CES1: variants seen among roughly 807,000 people sequenced by gnomAD.
The protein encoded by CES1 is carboxylesterase 1.
CES1 carries 50 observed loss-of-function variants against 53.0 expected under a neutral mutation model. That is an observed-to-expected ratio of 0.94 (90% CI 0.75 to 1.19). CES1 has a LOEUF of 1.19. Among genes scored for constraint, CES1 ranks in the 50% most tolerant of loss-of-function variants. CES1 has a pLI of 0.00. For missense variants in CES1, 534 were observed against 538.0 expected, an observed-to-expected ratio of 0.99 and a Z score of 0.07; for synonymous variants, 202 against 210.1, an observed-to-expected ratio of 0.96 and a Z score of 0.33.
intron 2 of CES1, among the ~76,000 whole-genome samples, chr16:55,826,907 T>G (rs181881381): frequency 3.7e-4 from 56 of 152,336 alleles, no homozygotes; most frequent in Admixed American, 3.4e-3. Flanking sequence ...TTCCAGGCAC[T>G]GTTTTAAGTA....
intron 4 of CES1, among the ~76,000 whole-genome samples, chr16:55,822,539 G>A (rs530791259): frequency 4.9e-4 from 75 of 152,264 alleles, no homozygotes; most frequent in South Asian, 1.0e-3. Context: ...GGCAGTGGGA[G>A]TCAAGGATTC....
intron 11 of CES1, among the ~76,000 whole-genome samples, chr16:55,810,119 A>C (rs1473548560): frequency 6.6e-6 from 1 of 152,022 alleles, no homozygotes; most frequent in Non-Finnish European, 1.5e-5. Context: ...TGGTGAATAA[A>C]TACCCGGCTC....
rs373053932 is a variant in CES1 at position 55,810,674 on chromosome 16, A to T, written c.1171-10T>A. ...GTTCCTTAGCAATGCACTGAAATAGATCAAAAAGTGACCACCAGCCCCGGG... is the reference window on the plus strand; with the variant it reads ...GTTCCTTAGCAATGCACTGAAATAGTTCAAAAAGTGACCACCAGCCCCGGG... On this transcript the variant is annotated splice_polypyrimidine_tract_variant and intron_variant, in intron 10 of 13. Transcript: ENST00000360526. The T allele has an allele frequency of 6.2e-6, 10 of 1,613,978 alleles. No individual in the cohort carries two copies. The highest frequency in any genetic ancestry group is 1.3e-5 in the African/African-American group (1 of 74,906).
chr16:55,820,039 A>G, intron 6 of CES1: 1 of 562,242 alleles, frequency 1.8e-6, no homozygotes, highest in South Asian at 2.0e-5. Context: ...ATCACTGCCC[A>G]ACATGGCACC....
intron 4 of CES1, 22 bp from the exon 5 acceptor site, chr16:55,821,543 G>A: frequency 1.2e-6 from 2 of 1,614,060 alleles, no homozygotes; most frequent in Non-Finnish European, 1.7e-6. Context: ...AGAACAGGTT[G>A]AGGGTGGGGA....
intron 3 of CES1, among the ~76,000 whole-genome samples, chr16:55,825,710 C>A (rs1409900091): frequency 1.3e-5 from 2 of 152,210 alleles, no homozygotes; most frequent in Non-Finnish European, 2.9e-5. Context: ...AGACTTGAGC[C>A]AAAACTACCC....
chr16:55,820,646 G>A (rs1329714280), intron 5 of CES1, among the ~76,000 whole-genome samples, 167 bp from the exon 6 acceptor site: 1 of 152,030 alleles, frequency 6.6e-6, no homozygotes, highest in African/African-American at 2.4e-5. Context: ...TCTTCCTACA[G>A]CTCCCAGCAC....
intron 2 of CES1, among the ~76,000 whole-genome samples, chr16:55,827,669 G>C (rs28609211): frequency 6.6e-6 from 1 of 152,208 alleles, no homozygotes; most frequent in Non-Finnish European, 1.5e-5. Context: ...CCAAATAAAA[G>C]CTTGGGGAAA....
intron 8 of CES1, among the ~76,000 whole-genome samples, chr16:55,815,954 A>T (rs1390534403): frequency 1.3e-5 from 2 of 152,250 alleles, no homozygotes; most frequent in African/African-American, 4.8e-5. Context: ...CTGTCCCCAC[A>T]CTCGGTCCTC....
chr16:55,809,680 A>G (rs1487053488), intron 11 of CES1, among the ~76,000 whole-genome samples: 1 of 152,180 alleles, frequency 6.6e-6, no homozygotes, highest in Non-Finnish European at 1.5e-5. Context: ...AGACACTGCC[A>G]TTCTACAGAC....
chr16:55,827,892 C>T (rs1444588614), intron 2 of CES1: 1 of 152,130 alleles, frequency 6.6e-6, no homozygotes, highest in South Asian at 2.1e-4. Context: ...ACTTTACCAT[C>T]TAAAATACTG....
At chr16:55,821,878 G>A (rs530797237) in intron 4 of CES1, among the ~76,000 whole-genome samples, 5 of 152,292 alleles carry the variant, frequency 3.3e-5, no homozygotes, top group Non-Finnish European at 7.3e-5. Flanking sequence ...AAAGTGCACT[G>A]AGGTAAATAC....
In CES1 at chr16:55,810,856, G is replaced by T. The variant is rs796070398; in HGVS notation, c.1170+71C>A. ...CCAGTCTTCATTCTGCCATTTAATT[G>T]CTCTATGATTTGGGCAAGTCCTTGT... is the stretch of plus-strand genomic sequence containing the variant. On this transcript the variant is annotated intron_variant, in intron 10 of 13. Coordinates refer to ENST00000360526, the MANE Select transcript of CES1 (RefSeq NM_001025195.2). 19 of 1,454,436 alleles carry T rather than the reference G, an allele frequency of 1.3e-5. 1 individual carries two copies. In the African/African-American group the frequency reaches 2.1e-4, roughly 16 times the overall value. The allele number at this position is 1,454,436 out of a possible 1,614,324, so 90.1% of individuals were successfully genotyped here.
chr16:55,821,547 G>T (rs770344515), intron 4 of CES1, 26 bp from the exon 5 acceptor site: 6 of 1,614,022 alleles, frequency 3.7e-6, no homozygotes, highest in Admixed American at 1.7e-5. Flanking sequence ...CAGGTTGAGG[G>T]TGGGGAGCAG....
At chr16:55,821,236 GCTGTGA>G in intron 5 of CES1, 126 bp downstream of exon 5, 1 of 1,208,962 alleles carries the variant, frequency 8.3e-7, no homozygotes, top group Non-Finnish European at 1.2e-6. Context: ...CTGATGCTGG[GCTGTGA>G]GTAGGGCCAG....
chr16:55,821,227 T>TGATAGAAAGCTAAA, intron 5 of CES1, 141 bp downstream of exon 5: 7 of 1,134,056 alleles, frequency 6.2e-6, no homozygotes, highest in Non-Finnish European at 9.1e-6. Context: ...TTCTACCCCC[T>TGATAGAAAGCTAAA]GATGCTGGGC....
At chr16:55,813,175 A>G in intron 8 of CES1, 132 bp from the exon 9 acceptor site, 11 of 1,270,900 alleles carry the variant, frequency 8.7e-6, no homozygotes, top group Non-Finnish European at 1.0e-5. Context: ...CATGCTCAGG[A>G]TCCTAACTTA....
intron 10 of CES1, 81 bp downstream of exon 10, chr16:55,810,846 C>T: frequency 1.4e-6 from 2 of 1,429,578 alleles, no homozygotes; most frequent in South Asian, 2.3e-5. Flanking sequence ...CTTCATTCTG[C>T]CATTTAATTG....
At chr16:55,808,507 C>T (rs560626374) in intron 11 of CES1, among the ~76,000 whole-genome samples, 30 of 152,230 alleles carry the variant, frequency 2.0e-4, no homozygotes, top group Admixed American at 3.3e-4. Context: ...CTTAGCATCC[C>T]AAATGAGAAA....
Sources: allele counts gnomAD v4.1 joint callset (sites outside exome capture counted in the v4.1 genomes callset), GRCh38; gene constraint gnomAD v4.1.1; transcripts MANE v1.5; gene names NCBI Gene and HGNC (gene_info 2026-07-23, HGNC 2026-07-21).